CFAP91: variants seen among roughly 807,000 people sequenced by gnomAD.
CFAP91 encodes cilia- and flagella-associated protein 91.
CFAP91 carries 85 observed loss-of-function variants against 95.9 expected under a neutral mutation model. That is an observed-to-expected ratio of 0.89 (90% CI 0.74 to 1.06). The LOEUF is 1.06. Ranked by LOEUF, CFAP91 falls within the 50% of genes least tolerant of loss-of-function variation. The probability of loss-of-function intolerance (pLI) is 0.00; values close to 1 mark genes in which losing one functional copy is unlikely to be tolerated. For missense variants in CFAP91, 962 were observed against 943.4 expected, an observed-to-expected ratio of 1.02 and a Z score of -0.26; for synonymous variants, 335 against 327.5, an observed-to-expected ratio of 1.02 and a Z score of -0.25.
intron 13 of CFAP91, among the ~76,000 whole-genome samples, chr3:119,743,770 G>A (rs1269709657): frequency 1.3e-5 from 2 of 152,212 alleles, no homozygotes; most frequent in African/African-American, 4.8e-5. Flanking sequence ...ATCAGTGACT[G>A]ACCAGACAAT....
chr3:119,744,220 T>A (rs1339479345), intron 14 of CFAP91, 24 bp downstream of exon 14: 3 of 1,574,908 alleles, frequency 1.9e-6, no homozygotes, highest in Non-Finnish European at 1.7e-6. Flanking sequence ...GCTGGGTGTG[T>A]GGAAGCTGCC....
At chr3:119,727,324 A>T (rs1407659733) in intron 7 of CFAP91, among the ~76,000 whole-genome samples, 1 of 152,232 alleles carries the variant, frequency 6.6e-6, no homozygotes, top group African/African-American at 2.4e-5. Flanking sequence ...TAGTAAAAAA[A>T]TAGTGTTTGG....
intron 14 of CFAP91, 143 bp downstream of exon 14, chr3:119,744,339 T>TA (rs2054182519): frequency 1.6e-6 from 1 of 623,024 alleles, no homozygotes; most frequent in Non-Finnish European, 2.7e-6. Context: ...AGAGGCACTG[T>TA]GGGAAACTTT....
chr3:119,707,625 T>G, intron 3 of CFAP91, 64 bp downstream of exon 3: 3 of 1,426,128 alleles, frequency 2.1e-6, no homozygotes, highest in Non-Finnish European at 2.8e-6. Context: ...TAAATTCATT[T>G]ACCATGTGTG....
chr3:119,714,382 A>AAG (rs1553705763), intron 5 of CFAP91, among the ~76,000 whole-genome samples: 19,786 of 127,494 alleles, frequency 0.16, 1,626 homozygotes, highest in Non-Finnish European at 0.19. Flanking sequence ...AAAAAAAAAA[A>AAG]AAAGAAAGAA....
At chr3:119,738,057 A>G (rs2054043773) in intron 11 of CFAP91, among the ~76,000 whole-genome samples, 1 of 152,210 alleles carries the variant, frequency 6.6e-6, no homozygotes, top group Non-Finnish European at 1.5e-5. Context: ...AGAGAACTAT[A>G]ACTGCCTACT....
chr3:119,715,817 G>A, intron 6 of CFAP91, 74 bp downstream of exon 6: 4 of 1,345,548 alleles, frequency 3.0e-6, no homozygotes, highest in Non-Finnish European at 4.3e-6. Context: ...AATGGCCCAT[G>A]TACAGGCAAT....
rs1457081623 is a variant in CFAP91, at chr3:119,703,036, G to A, written c.-63G>A. On this transcript the variant is annotated 5_prime_UTR_variant, in exon 1 of 18. It adds an upstream start codon to the 5' untranslated region. Transcript: ENST00000273390. ...CGCCGGCGGCCGTTACCATAGCGAC[G>A]TGCACGCAGTAGCCAGGCCTGACCC... 6.6e-7 allele frequency: 1 copy of A among 1,525,606 alleles called. No individual in the cohort carries two copies. Among genetic ancestry groups the A allele is most frequent in the Admixed American group, 2.0e-5 (1 of 50,092 alleles). 94.5% of individuals were successfully genotyped at this position (1,525,606 alleles called of 1,614,324 possible).
intron 9 of CFAP91, 138 bp from the exon 10 acceptor site, chr3:119,733,226 T>C: frequency 1.3e-6 from 1 of 769,988 alleles, no homozygotes; most frequent in East Asian, 2.7e-5. Context: ...CAGGGACACT[T>C]CATTCTATTA....
intron 1 of CFAP91, among the ~76,000 whole-genome samples, chr3:119,704,455 CCTGCTTTCTTT>C (rs1333550194): frequency 6.6e-6 from 1 of 152,148 alleles, no homozygotes; most frequent in Admixed American, 6.5e-5. Flanking sequence ...GCTGTGCTCT[CCTGCTTTCTTT>C]CTTTGACCTT....
chr3:119,746,848 C>G (rs1306598855), intron 14 of CFAP91, among the ~76,000 whole-genome samples: 1 of 152,180 alleles, frequency 6.6e-6, no homozygotes, highest in Non-Finnish European at 1.5e-5. Flanking sequence ...GCCCATAATC[C>G]TTCAGCAGTG....
chr3:119,748,256 G>A (rs1385110492), intron 16 of CFAP91, among the ~76,000 whole-genome samples: 3 of 152,268 alleles, frequency 2.0e-5, no homozygotes, highest in African/African-American at 4.8e-5. Flanking sequence ...CAGCCTTTCA[G>A]AGGCAGGACA....
chr3:119,754,371 G>T (rs1027236490), intron 17 of CFAP91, among the ~76,000 whole-genome samples: 3 of 152,220 alleles, frequency 2.0e-5, no homozygotes, highest in Non-Finnish European at 2.9e-5. Context: ...GGCAAGAGAT[G>T]AATTGAAGAA....
intron 17 of CFAP91, among the ~76,000 whole-genome samples, chr3:119,756,502 T>C (rs1251568096): frequency 3.3e-5 from 5 of 152,094 alleles, no homozygotes; most frequent in Non-Finnish European, 7.4e-5. Context: ...TGGAAATAAA[T>C]TTAAGGACAG....
At chr3:119,734,255 T>A (rs1291548970) in intron 10 of CFAP91, among the ~76,000 whole-genome samples, 1 of 152,168 alleles carries the variant, frequency 6.6e-6, no homozygotes, top group African/African-American at 2.4e-5. Context: ...CCATGCATGC[T>A]TGTTTGTTCA....
At chr3:119,758,896 G>C (rs973827571) in intron 17 of CFAP91, among the ~76,000 whole-genome samples, 2 of 152,140 alleles carry the variant, frequency 1.3e-5, no homozygotes, top group African/African-American at 4.8e-5. Flanking sequence ...TAAGCAAAAT[G>C]TTATTCCCCC....
At chr3:119,747,304 T>C in intron 15 of CFAP91, 41 bp downstream of exon 15, 1 of 1,579,230 alleles carries the variant, frequency 6.3e-7, no homozygotes, top group Non-Finnish European at 8.6e-7. Context: ...GACAGCCCAT[T>C]TGCTGGTACT....
intron 6 of CFAP91, among the ~76,000 whole-genome samples, chr3:119,720,313 C>T (rs1474260441): frequency 2.0e-5 from 3 of 149,988 alleles, no homozygotes; most frequent in African/African-American, 2.4e-5. Flanking sequence ...AGGAGAATGG[C>T]GTGAACCCGG....
At chr3:119,739,511 G>A in intron 12 of CFAP91, 185 bp downstream of exon 12, 1 of 560,338 alleles carries the variant, frequency 1.8e-6, no homozygotes, top group Non-Finnish European at 3.2e-6. Context: ...CATTTGTCCA[G>A]GTGGGTGGCA....
Sources: allele counts gnomAD v4.1 joint callset (sites outside exome capture counted in the v4.1 genomes callset), GRCh38; gene constraint gnomAD v4.1.1; transcripts MANE v1.5; gene names NCBI Gene and HGNC (gene_info 2026-07-23, HGNC 2026-07-21).